ADGRG7: variants seen among roughly 807,000 people sequenced by gnomAD.
ADGRG7 encodes the protein adhesion G protein-coupled receptor G7, also known as G-protein coupled receptor 128.
A neutral mutation model predicts 88.6 loss-of-function variants in ADGRG7; 82 were observed. The ratio of observed to expected loss-of-function variants is 0.93; its 90% CI spans 0.77 to 1.11. ADGRG7 has a LOEUF of 1.11. Among genes scored for constraint, ADGRG7 ranks in the 50% most tolerant of loss-of-function variants. ADGRG7 has a pLI of 0.00. For synonymous variants in ADGRG7, 381 were observed against 345.2 expected, an observed-to-expected ratio of 1.10 and a Z score of -1.15; for missense variants, 945 against 953.4, an observed-to-expected ratio of 0.99 and a Z score of 0.12.
chr3:100,693,475 G>T (rs1457943669), intron 15 of ADGRG7, among the ~76,000 whole-genome samples: 1 of 151,870 alleles, frequency 6.6e-6, no homozygotes, highest in Non-Finnish European at 1.5e-5. Flanking sequence ...TCTACTTTTG[G>T]CCAGAGAACA....
At chr3:100,632,678 C>G (rs116606932) in intron 3 of ADGRG7, among the ~76,000 whole-genome samples, 1 of 152,094 alleles carries the variant, frequency 6.6e-6, no homozygotes, top group African/African-American at 2.4e-5. Flanking sequence ...AAGGAGCTGC[C>G]CAAAGCTGGT....
chr3:100,690,934 G>C (rs529585811), intron 15 of ADGRG7, among the ~76,000 whole-genome samples: 1 of 152,328 alleles, frequency 6.6e-6, no homozygotes, highest in South Asian at 2.1e-4. Context: ...GGTTACTGCT[G>C]CCTTTTGTTT....
intron 10 of ADGRG7, among the ~76,000 whole-genome samples, chr3:100,648,628 C>G (rs570879340): frequency 1.3e-5 from 2 of 152,080 alleles, no homozygotes; most frequent in South Asian, 4.1e-4. Context: ...GTGTAAGAGA[C>G]ATAGATAGTA....
chr3:100,624,727 G>A (rs1044040075), intron 1 of ADGRG7, among the ~76,000 whole-genome samples: 1 of 152,152 alleles, frequency 6.6e-6, no homozygotes, highest in Admixed American at 6.5e-5. Flanking sequence ...GAGTCAGGAA[G>A]GGGTCCAGTT....
intron 3 of ADGRG7, among the ~76,000 whole-genome samples, chr3:100,631,756 T>C (rs545820728): frequency 1.3e-5 from 2 of 152,318 alleles, no homozygotes; most frequent in South Asian, 4.1e-4. Context: ...ATTAAATGAA[T>C]TGCTCTTTTT....
At chr3:100,625,364 G>A (rs1209017956) in intron 1 of ADGRG7, among the ~76,000 whole-genome samples, 2 of 152,174 alleles carry the variant, frequency 1.3e-5, no homozygotes, top group Non-Finnish European at 2.9e-5. Flanking sequence ...AGTTGTGCTT[G>A]TGATTTTTGC....
At chr3:100,644,253 G>T (rs1392504722) in intron 8 of ADGRG7, among the ~76,000 whole-genome samples, 1 of 151,598 alleles carries the variant, frequency 6.6e-6, no homozygotes, top group Non-Finnish European at 1.5e-5. Flanking sequence ...AAAAAAACCC[G>T]ATGTCAGAAA....
At position 100,655,919 on chromosome 3, in the gene ADGRG7, GCTAT is replaced by G; in HGVS notation, c.1748_1751del (p.Ala583GlufsTer18). Reference sequence around the variant, plus strand: ...CATAGGAGTCCCAGCTATAGTAGTGGCTATAACAGTGGGAGTTATTTATTCTCAG... The same window carrying G: ...CATAGGAGTCCCAGCTATAGTAGTGGAACAGTGGGAGTTATTTATTCTCAG... On this transcript the variant is annotated frameshift_variant, in exon 13 of 16. Coordinates refer to ENST00000273352, the MANE Select transcript of ADGRG7 (RefSeq NM_032787.3). LOFTEE classifies it high-confidence loss of function. The G allele has an allele frequency of 1.3e-6, 2 of 1,597,438 alleles. No individual in the cohort carries two copies. The highest frequency in any genetic ancestry group is 1.7e-6 in the Non-Finnish European group (2 of 1,165,010).
At chr3:100,665,398 GTTTC>G in intron 14 of ADGRG7, 1 of 539,938 alleles carries the variant, frequency 1.9e-6, no homozygotes, top group Non-Finnish European at 3.8e-6. Context: ...AGCATTGTTT[GTTTC>G]TTTGTGAAAA....
chr3:100,677,678 A>C (rs2094967273), intron 15 of ADGRG7, among the ~76,000 whole-genome samples: 1 of 152,138 alleles, frequency 6.6e-6, no homozygotes, highest in Non-Finnish European at 1.5e-5. Context: ...TGTTTGAAGG[A>C]TATTTTCACC....
At chr3:100,618,694 A>G (rs190116526) in intron 1 of ADGRG7, among the ~76,000 whole-genome samples, 2,259 of 152,236 alleles carry the variant, frequency 0.015, 60 homozygotes, top group African/African-American at 0.051. Flanking sequence ...TGACTTGGCG[A>G]TGCGGGCTCT....
Position 100,635,806 on chromosome 3 carries a change from TC to T in ADGRG7, c.579del (p.Arg194GlufsTer12). On this transcript the variant is annotated frameshift_variant, in exon 5 of 16. Transcript: ENST00000273352. LOFTEE classifies it high-confidence loss of function. ...TRVVGQIFNT[S>X]RNASPEAKKV... Reference sequence around the variant, plus strand: ...AGTGGTTGGACAGATATTCAACACTTCCAGAAATGCTTCACCTGAGGTAAAA... The same window carrying T: ...AGTGGTTGGACAGATATTCAACACTTCAGAAATGCTTCACCTGAGGTAAAA... 6.2e-7 allele frequency: 1 copy of T among 1,612,460 alleles called. No individual in the cohort carries two copies. The highest frequency in any genetic ancestry group is 8.5e-7 in the Non-Finnish European group (1 of 1,179,508).
chr3:100,637,509 T>C, intron 6 of ADGRG7, 107 bp downstream of exon 6: 1 of 745,204 alleles, frequency 1.3e-6, no homozygotes, highest in South Asian at 1.7e-5. Flanking sequence ...ATGCAGTAAC[T>C]GACTGATTCC....
At chr3:100,664,142 ATTATT>A (rs1254390764) in intron 14 of ADGRG7, among the ~76,000 whole-genome samples, 4 of 152,120 alleles carry the variant, frequency 2.6e-5, no homozygotes, top group Non-Finnish European at 4.4e-5. Context: ...GCATTAGAAA[ATTATT>A]TTATTTGGAC....
Position 100,687,510 on chromosome 3 carries a change from C to G in ADGRG7, c.2137-7234C>G, listed in dbSNP as rs1004607172. On this transcript the variant is annotated intron_variant, in intron 15 of 15. Transcript: ENST00000273352. ...CCCATTCAGTATGATATTGGCTGTG[C>G]GTTTGTCATAGATAGCTCTTATTAT... is the stretch of plus-strand genomic sequence containing the variant. Among the ~76,000 whole-genome samples, 14 of 152,012 alleles carry G rather than the reference C, an allele frequency of 9.2e-5. No homozygotes were observed. In the East Asian group the frequency reaches 9.7e-4, roughly 10 times the overall value.
At chr3:100,626,491 A>T (rs955136771) in intron 1 of ADGRG7, among the ~76,000 whole-genome samples, 5 of 152,134 alleles carry the variant, frequency 3.3e-5, no homozygotes, top group African/African-American at 1.2e-4. Flanking sequence ...ATCTTTTAAA[A>T]TTTATTTGAA....
intron 11 of ADGRG7, among the ~76,000 whole-genome samples, chr3:100,652,097 A>C (rs2094930323): frequency 6.6e-6 from 1 of 152,128 alleles, no homozygotes; most frequent in Non-Finnish European, 1.5e-5. Flanking sequence ...ATAATTGATA[A>C]AATTAGATAA....
At chr3:100,630,014 T>C (rs1707438301) in intron 2 of ADGRG7, among the ~76,000 whole-genome samples, 1 of 152,186 alleles carries the variant, frequency 6.6e-6, no homozygotes, top group Admixed American at 6.5e-5. Flanking sequence ...TTCTCTCAGG[T>C]CCTTTCAATT....
chr3:100,615,953 A>C (rs1707218582), intron 1 of ADGRG7, among the ~76,000 whole-genome samples: 1 of 152,020 alleles, frequency 6.6e-6, no homozygotes, highest in Non-Finnish European at 1.5e-5. Flanking sequence ...AATTTTACTT[A>C]CTAGCCCAAA....
Sources: gnomAD v4.1 joint callset for allele counts (sites outside exome capture counted in the v4.1 genomes callset) on GRCh38, gnomAD v4.1.1 for gene constraint, MANE v1.5 for transcripts, NCBI Gene and HGNC (gene_info 2026-07-23, HGNC 2026-07-21) for gene names.